FAT3: variants seen among roughly 807,000 people sequenced by gnomAD.
FAT3 encodes the protein protocadherin Fat 3.
In FAT3, 95 loss-of-function variants were observed where a neutral mutation model predicts 310.2. That is an observed-to-expected ratio of 0.31 (90% CI 0.26 to 0.36). The LOEUF (loss-of-function observed/expected upper bound fraction) is 0.36. Among genes scored for constraint, FAT3 ranks in the 10% least tolerant of loss-of-function variants. The pLI, the probability that FAT3 is intolerant of heterozygous loss-of-function variation, is 1.00. For missense variants in FAT3, 5,408 were observed against 5,715.6 expected, an observed-to-expected ratio of 0.95 and a Z score of 1.74; for synonymous variants, 2,314 against 2,192.9, an observed-to-expected ratio of 1.06 and a Z score of -1.54.
At position 92,719,219 on chromosome 11, in the gene FAT3, G is replaced by T. The variant is rs1013115042; in HGVS notation, c.3669+21774G>T. 2.0e-5 allele frequency among the ~76,000 whole-genome samples: 3 copies of T among 152,140 alleles called. No homozygotes were observed. The East Asian group carries it at 5.8e-4, about 29-fold the overall frequency. On this transcript the variant is annotated intron_variant, in intron 4 of 27. Transcript: ENST00000525166. ...CAGGCATCTCAGAGTTTAGAGCTGG[G>T]CCAGTTAGCATTTCCTCCTCTATTA...
chr11:92,501,016 C>T (rs999759683), intron 2 of FAT3, among the ~76,000 whole-genome samples: 2 of 151,998 alleles, frequency 1.3e-5, no homozygotes, highest in Non-Finnish European at 2.9e-5. Flanking sequence ...CTTACATTCC[C>T]TATGTTCATT....
At chr11:92,479,707 A>G (rs1246895470) in intron 2 of FAT3, among the ~76,000 whole-genome samples, 3 of 152,156 alleles carry the variant, frequency 2.0e-5, no homozygotes, top group East Asian at 1.9e-4. Flanking sequence ...AAACAAGCCA[A>G]TCACATTGTC....
intron 2 of FAT3, among the ~76,000 whole-genome samples, chr11:92,435,971 G>C (rs1479264691): frequency 1.3e-5 from 2 of 152,122 alleles, no homozygotes; most frequent in East Asian, 3.9e-4. Context: ...TGGCCAATTA[G>C]TTGTCACGTT....
At chr11:92,439,223 A>G (rs944797398) in intron 2 of FAT3, among the ~76,000 whole-genome samples, 3 of 151,878 alleles carry the variant, frequency 2.0e-5, no homozygotes, top group Non-Finnish European at 4.4e-5. Flanking sequence ...AAAAAAACCC[A>G]CAATTTTTAA....
At chr11:92,263,645 A>G (rs939248124) in intron 1 of FAT3, among the ~76,000 whole-genome samples, 7 of 144,364 alleles carry the variant, frequency 4.8e-5, no homozygotes, top group African/African-American at 1.9e-4. Context: ...GTGTATATAT[A>G]TATATATATA....
At chr11:92,726,142 C>T (rs1944990653) in intron 4 of FAT3, among the ~76,000 whole-genome samples, 2 of 151,954 alleles carry the variant, frequency 1.3e-5, no homozygotes, top group South Asian at 4.2e-4. Flanking sequence ...ATAAAACATA[C>T]AAAATTAAAA....
chr11:92,829,846 A>G (rs1473042983), intron 13 of FAT3, among the ~76,000 whole-genome samples: 2 of 152,198 alleles, frequency 1.3e-5, no homozygotes, highest in Non-Finnish European at 2.9e-5. Flanking sequence ...CTCAGTGTTG[A>G]CCTTTTGGTT....
chr11:92,237,980 A>G (rs1465502179), intron 1 of FAT3, among the ~76,000 whole-genome samples: 1 of 152,118 alleles, frequency 6.6e-6, no homozygotes, highest in Non-Finnish European at 1.5e-5. Flanking sequence ...TTCTGGCATC[A>G]CCCATGTCCT....
intron 2 of FAT3, among the ~76,000 whole-genome samples, chr11:92,372,218 T>C (rs1170233158): frequency 1.3e-5 from 2 of 152,114 alleles, no homozygotes; most frequent in Non-Finnish European, 2.9e-5. Context: ...GTGGGTACCA[T>C]CTGGTCAGTG....
At chr11:92,513,096 T>G (rs1953361662) in intron 2 of FAT3, among the ~76,000 whole-genome samples, 1 of 39,162 alleles carries the variant, frequency 2.6e-5, no homozygotes, top group African/African-American at 1.5e-4. Flanking sequence ...CACTCCAGCC[T>G]GGGCGACAGA....
rs1392181306 is a variant in FAT3 at position 92,809,939 on chromosome 11, C to G, written c.9344C>G (p.Ser3115Cys). The part of the protein sequence containing the change: ...ATDGGGRFCQ[S>C]NIHLILEDVN... Reference sequence around the variant, plus strand: ...GACGGGGGTGGCAGGTTCTGCCAGTCCAACATCCACCTAATCCTGGAGGAT... The same window carrying G: ...GACGGGGGTGGCAGGTTCTGCCAGTGCAACATCCACCTAATCCTGGAGGAT... Residue 3115 changes from serine to cysteine, a missense_variant, in exon 13 of 28, where the codon TCC becomes TGC. This residue lies in a region of FAT3 where 4,588 missense variants were observed against 4,809.8 expected (regional missense o/e 0.95). Transcript: ENST00000525166. 3 of 1,613,938 alleles carry G rather than the reference C, an allele frequency of 1.9e-6. No individual in the cohort carries two copies. In the South Asian group the frequency reaches 3.3e-5, roughly 18 times the overall value.
chr11:92,491,060 T>C (rs1452178934), intron 2 of FAT3, among the ~76,000 whole-genome samples: 1 of 152,100 alleles, frequency 6.6e-6, no homozygotes, highest in East Asian at 1.9e-4. Flanking sequence ...AGGACCATTA[T>C]TGAAATTCTT....
chr11:92,327,729 AG>A (rs1454617144), intron 1 of FAT3, among the ~76,000 whole-genome samples: 1 of 152,180 alleles, frequency 6.6e-6, no homozygotes, highest in Non-Finnish European at 1.5e-5. Context: ...TGGGTCTGCA[AG>A]TAAGTAGCCA....
intron 19 of FAT3, among the ~76,000 whole-genome samples, chr11:92,847,181 A>G (rs140207625): frequency 2.0e-5 from 3 of 152,376 alleles, no homozygotes; most frequent in Admixed American, 6.5e-5. Context: ...CGTTTCATCA[A>G]CAAGGGACCA....
At chr11:92,467,983 T>C (rs530371778) in intron 2 of FAT3, among the ~76,000 whole-genome samples, 1 of 152,326 alleles carries the variant, frequency 6.6e-6, no homozygotes, top group East Asian at 1.9e-4. Flanking sequence ...AGAAGTCACA[T>C]ATATAACATA....
chr11:92,619,754 C>A (rs965489157), intron 3 of FAT3, among the ~76,000 whole-genome samples: 1 of 151,414 alleles, frequency 6.6e-6, no homozygotes, highest in Non-Finnish European at 1.5e-5. Context: ...TCTTCTTTTT[C>A]TTGATCACTC....
chr11:92,828,908 T>G (rs1367063650), intron 13 of FAT3, among the ~76,000 whole-genome samples: 1 of 152,144 alleles, frequency 6.6e-6, no homozygotes, highest in Admixed American at 6.5e-5. Context: ...GATTTCAGCT[T>G]TGTGTCTCAG....
At chr11:92,677,529 T>G (rs1475466340) in intron 3 of FAT3, among the ~76,000 whole-genome samples, 1 of 152,224 alleles carries the variant, frequency 6.6e-6, no homozygotes, top group African/African-American at 2.4e-5. Flanking sequence ...TCTTTTGTGC[T>G]CCTATAACAG....
chr11:92,658,654 G>A lies in FAT3; in HGVS notation c.3608-38730G>A, dbSNP rs757602021. Among the ~76,000 whole-genome samples, 3 of 152,328 alleles carry A rather than the reference G, an allele frequency of 2.0e-5. No individual in the cohort carries two copies. The South Asian group carries it at 6.2e-4, about 32-fold the overall frequency. On this transcript the variant is annotated intron_variant, in intron 3 of 27. Coordinates refer to ENST00000525166, the MANE Select transcript of FAT3 (RefSeq NM_001367949.2). Reference sequence around the variant, plus strand: ...GGCTGCTGACTCCGTACTGACTTAAGTAAACAAGGCCTGAGCAGTTTTAGT... The same window carrying A: ...GGCTGCTGACTCCGTACTGACTTAAATAAACAAGGCCTGAGCAGTTTTAGT...
Sources: allele counts gnomAD v4.1 joint callset (sites outside exome capture counted in the v4.1 genomes callset), GRCh38; gene constraint gnomAD v4.1.1; regional missense constraint gnomAD v4.1.1; transcripts MANE v1.5; gene names NCBI Gene and HGNC (gene_info 2026-07-23, HGNC 2026-07-21).